The following SAMD12 variants were observed in gnomAD, a reference collection of about 807,000 sequenced individuals.
SAMD12 encodes the protein sterile alpha motif domain containing 12.
A neutral mutation model predicts 15.0 loss-of-function variants in SAMD12; 9 were observed. The observed-to-expected ratio is 0.60, with a 90% CI of 0.36 to 1.05. The LOEUF (loss-of-function observed/expected upper bound fraction) is 1.05. SAMD12 is among the 50% of genes least tolerant of loss of function. The probability of loss-of-function intolerance (pLI) is 0.01; values close to 1 mark genes in which losing one functional copy is unlikely to be tolerated. For synonymous variants in SAMD12, 86 were observed against 90.1 expected (o/e 0.96, Z 0.25); for missense variants, 230 against 234.2 (o/e 0.98, Z 0.12).
At chr8:118,223,527 C>T (rs1812125107) in intron 4 of SAMD12, among the ~76,000 whole-genome samples, 1 of 152,124 alleles carries the variant, frequency 6.6e-6, no homozygotes, top group Non-Finnish European at 1.5e-5. Context: ...TTTCTAAAAC[C>T]AATAATCACA....
intron 4 of SAMD12, among the ~76,000 whole-genome samples, chr8:118,342,118 C>T (rs1392289282): frequency 1.3e-5 from 2 of 152,030 alleles, no homozygotes; most frequent in Non-Finnish European, 1.5e-5. Context: ...GGCAAAACCC[C>T]GTCTCTACTA....
At chr8:118,339,860 G>A (rs1375409393) in intron 4 of SAMD12, among the ~76,000 whole-genome samples, 1 of 152,162 alleles carries the variant, frequency 6.6e-6, no homozygotes, top group Non-Finnish European at 1.5e-5. Context: ...TTTCATCTGG[G>A]TATGGGTGTG....
chr8:118,579,144 T>C (rs1051218071), intron 2 of SAMD12, among the ~76,000 whole-genome samples: 5 of 152,190 alleles, frequency 3.3e-5, no homozygotes, highest in African/African-American at 9.7e-5. Context: ...ATATAGGAGA[T>C]ACACACTAGA....
rs117400972 is a variant in SAMD12, at chr8:118,409,779, A to G, written c.322+30053T>C. Among the ~76,000 whole-genome samples the G allele has an allele frequency of 2.4e-3, 371 of 151,984 alleles. 3 individuals carry two copies. The highest frequency in any genetic ancestry group is 4.6e-3 in the Non-Finnish European group (314 of 68,006). ...CACATAAAATAGACTCAAAGTTAAA[A>G]TAGTTCTTGAAAACCAGTAAGATAA... On this transcript the variant is annotated intron_variant, in intron 3 of 3. Transcript: ENST00000314727.
intron 2 of SAMD12, among the ~76,000 whole-genome samples, chr8:118,553,591 C>G (rs1401224493): frequency 3.3e-5 from 5 of 149,486 alleles, no homozygotes; most frequent in Non-Finnish European, 4.5e-5. Flanking sequence ...AGAAGAAAAC[C>G]TAGGCATTAC....
the SAMD12 span, among the ~76,000 whole-genome samples, chr8:118,176,595 T>C: frequency 1.3e-5 from 2 of 152,184 alleles, no homozygotes; most frequent in East Asian, 1.9e-4. Flanking sequence ...TTCTCACTTA[T>C]AAGTGAGAGC....
At chr8:118,512,119 C>G (rs1825107366) in intron 2 of SAMD12, among the ~76,000 whole-genome samples, 1 of 152,106 alleles carries the variant, frequency 6.6e-6, no homozygotes, top group South Asian at 2.1e-4. Context: ...TTTTGGAGCA[C>G]CTATCTAATA....
At chr8:118,295,053 C>A (rs183047696) in intron 4 of SAMD12, among the ~76,000 whole-genome samples, 3 of 151,130 alleles carry the variant, frequency 2.0e-5, no homozygotes, top group African/African-American at 7.3e-5. Flanking sequence ...TTTTTTTTTA[C>A]GTGAAAATTG....
chr8:118,168,337 C>A, the SAMD12 span, among the ~76,000 whole-genome samples: 13 of 152,294 alleles, frequency 8.5e-5, no homozygotes, highest in African/African-American at 2.6e-4. Flanking sequence ...CTCCTGCAAC[C>A]TGTGTCCTCT....
chr8:118,187,649 G>C (rs1251282379), downstream of SAMD12, among the ~76,000 whole-genome samples: 1 of 152,150 alleles, frequency 6.6e-6, no homozygotes, highest in African/African-American at 2.4e-5. Flanking sequence ...GGCATCATGA[G>C]TTACCCAAAT....
chr8:118,138,201 CTGAG>C, the SAMD12 span, among the ~76,000 whole-genome samples: 58,685 of 151,588 alleles, frequency 0.39, 12,701 homozygotes, highest in Middle Eastern at 0.52. Context: ...CCAACGCTTA[CTGAG>C]TGAGTGACTC....
chr8:118,289,372 T>G (rs1433470380), intron 4 of SAMD12, among the ~76,000 whole-genome samples: 4 of 152,122 alleles, frequency 2.6e-5, no homozygotes, highest in African/African-American at 9.7e-5. Context: ...ATCACACAAA[T>G]GTCCCCCTGA....
chr8:118,321,765 T>C (rs1267184293), intron 4 of SAMD12, among the ~76,000 whole-genome samples: 1 of 152,340 alleles, frequency 6.6e-6, no homozygotes, highest in Non-Finnish European at 1.5e-5. Context: ...TTATGAGCTA[T>C]GTGACATTAG....
intron 3 of SAMD12, among the ~76,000 whole-genome samples, chr8:118,435,729 A>G (rs1822559812): frequency 6.6e-6 from 1 of 152,250 alleles, no homozygotes; most frequent in African/African-American, 2.4e-5. Context: ...CAGACAATTT[A>G]AACACTACTG....
chr8:118,171,370 A>G, the SAMD12 span, among the ~76,000 whole-genome samples: 1 of 152,220 alleles, frequency 6.6e-6, no homozygotes, highest in East Asian at 1.9e-4. Context: ...ATTTGCACAC[A>G]TAAAAATGTG....
chr8:118,466,349 C>T (rs556819447), intron 2 of SAMD12, among the ~76,000 whole-genome samples: 8 of 152,124 alleles, frequency 5.3e-5, no homozygotes, highest in South Asian at 2.1e-4. Flanking sequence ...AAGACACTTA[C>T]GAAGACTATA....
chr8:118,291,984 T>C (rs1219193198), intron 4 of SAMD12, among the ~76,000 whole-genome samples: 1 of 151,122 alleles, frequency 6.6e-6, no homozygotes, highest in Non-Finnish European at 1.5e-5. Context: ...GTGCTTCTGC[T>C]TGTGAGTATA....
intron 1 of SAMD12, chr8:118,621,190 G>T (rs758358408): frequency 1.3e-5 from 2 of 152,786 alleles, no homozygotes; most frequent in Non-Finnish European, 2.9e-5. Context: ...CGAAGAGGTT[G>T]TTGCACTTCT....
At chr8:118,183,427 C>T in the SAMD12 span, among the ~76,000 whole-genome samples, 1 of 152,288 alleles carries the variant, frequency 6.6e-6, no homozygotes, top group Non-Finnish European at 1.5e-5. Flanking sequence ...TAGCTTTCAT[C>T]AGTGTTTTCA....
Sources: gnomAD v4.1 joint callset for allele counts (sites outside exome capture counted in the v4.1 genomes callset) on GRCh38, gnomAD v4.1.1 for gene constraint, MANE v1.5 for transcripts, NCBI Gene and HGNC (gene_info 2026-07-23, HGNC 2026-07-21) for gene names.